PPIAL4H: variants seen among roughly 807,000 people sequenced by gnomAD.
The protein encoded by PPIAL4H is peptidyl-prolyl cis-trans isomerase A-like 4H.
A neutral mutation model predicts 7.5 loss-of-function variants in PPIAL4H; 6 were observed. The observed-to-expected ratio is 0.80, with a 90% CI of 0.44 to 1.58. The LOEUF (loss-of-function observed/expected upper bound fraction) is 1.58, where lower values mean the gene tolerates loss of function less well. Among genes scored for constraint, PPIAL4H ranks in the 40% most tolerant of loss-of-function variants. The pLI, the probability that PPIAL4H is intolerant of heterozygous loss-of-function variation, is 0.01. For missense variants in PPIAL4H, 115 were observed against 211.6 expected, an observed-to-expected ratio of 0.54 and a Z score of 2.83; for synonymous variants, 43 against 76.6, an observed-to-expected ratio of 0.56 and a Z score of 2.29.
At position 146,344,425 on chromosome 1, in the gene PPIAL4H, G is replaced by A; in HGVS notation, c.291C>T (p.Ile97=). The A allele has an allele frequency of 6.3e-7, 1 of 1,588,934 alleles. No individual in the cohort carries two copies. Among genetic ancestry groups the A allele is most frequent in the Non-Finnish European group, 8.6e-7 (1 of 1,163,112 alleles). The change falls in exon 1 of 1, where the codon ATC becomes ATT. Residue 97 remains isoleucine, a synonymous_variant. Transcript: ENST00000584068. Reference sequence around the variant, plus strand: ...TGGGTCCAGCATTTACCATGGACAAGATGCCAGAACCTGTATGCTTTCGGA... The same window carrying A: ...TGGGTCCAGCATTTACCATGGACAAAATGCCAGAACCTGTATGCTTTCGGA... ...NLIRKHTGSG[I]LSMVNAGPNT...
Position 146,344,355 on chromosome 1 carries a change from A to T in PPIAL4H, c.361T>A (p.Trp121Arg), listed in dbSNP as rs1280728181. ...QLFICTAKTEWLDGKHVAFGK... is the reference protein window; with the variant it reads ...QLFICTAKTERLDGKHVAFGK... Reference sequence around the variant, plus strand: ...AAGGCCACATGCTTGCCATCCAACCACTCAGTCTTGGCAGTGCAGATGAAT... The same window carrying T: ...AAGGCCACATGCTTGCCATCCAACCTCTCAGTCTTGGCAGTGCAGATGAAT... The change falls in exon 1 of 1, where the codon TGG becomes AGG. Residue 121 changes from tryptophan (W) to arginine (R), a missense_variant. By Grantham distance (101) the Trp-to-Arg change is moderately radical. Around this residue, in one of 3 missense-constraint regions of PPIAL4H, gnomAD observed 68 missense variants for 75.8 expected, o/e 0.90. Transcript: ENST00000584068. The T allele has an allele frequency of 3.2e-6, 5 of 1,585,920 alleles. No individual in the cohort carries two copies. The South Asian group carries it at 5.6e-5, about 18-fold the overall frequency.
chr1:146,344,100 G>A lies in PPIAL4H; in HGVS notation c.*121C>T, dbSNP rs1666616253. The A allele has an allele frequency of 1.2e-6, 1 of 860,674 alleles. No homozygotes were observed. The highest frequency in any genetic ancestry group is 1.9e-5 in the African/African-American group (1 of 53,952). 53.3% of individuals were successfully genotyped at this position (860,674 alleles called of 1,614,324 possible). A position where few individuals can be genotyped will look rare whatever the true frequency, so the allele number is the denominator to read the frequency against. Reference sequence around the variant, plus strand: ...GAACAAGGAAAACATGGAACCCAAAGGGAACTGCAGCAAGAGCACAAAGAT... The same window carrying A: ...GAACAAGGAAAACATGGAACCCAAAAGGAACTGCAGCAAGAGCACAAAGAT... On this transcript the variant is annotated 3_prime_UTR_variant, in exon 1 of 1. Coordinates refer to ENST00000584068, the MANE Select transcript of PPIAL4H (RefSeq NM_001368128.3).
Position 146,344,507 on chromosome 1 carries a change from G to A in PPIAL4H, c.209C>T (p.Pro70Leu), listed in dbSNP as rs1666621175. The A allele has an allele frequency of 1.3e-6, 2 of 1,587,530 alleles. No homozygotes were observed. Among genetic ancestry groups the A allele is most frequent in the African/African-American group, 1.4e-5 (1 of 72,964 alleles). ...GATGGACTTGTCATCGGTGCCATTA[G>A]GGCGTGTGAAGTCACCACCCTGACA... ...FMCQGGDFTRPNGTDDKSIYG... is the reference protein window; with the variant it reads ...FMCQGGDFTRLNGTDDKSIYG... Residue 70 changes from proline to leucine, a missense_variant, in exon 1 of 1, where the codon CCT (proline) becomes CTT (leucine). Physicochemically the swap from Pro to Leu is moderately conservative, Grantham distance 98. Coordinates refer to ENST00000584068, the MANE Select transcript of PPIAL4H (RefSeq NM_001368128.3).
Position 146,344,182 on chromosome 1 carries a change from A to G in PPIAL4H, c.*39T>C. 1 of 1,555,050 alleles carries G rather than the reference A, an allele frequency of 6.4e-7. No homozygotes were observed. The highest frequency in any genetic ancestry group is 2.3e-4 in the Middle Eastern group (1 of 4,314). On this transcript the variant is annotated 3_prime_UTR_variant, in exon 1 of 1. Coordinates refer to ENST00000584068, the MANE Select transcript of PPIAL4H (RefSeq NM_001368128.3). ...GGTGCTCTCCTGAGCTACAGAATGA[A>G]TGGGTCTGGTGGTGAAAATAAAACA...
In PPIAL4H at chr1:146,344,169, A is replaced by T; in HGVS notation, c.*52T>A. ...AATGTGGTGGAGGGGTGCTCTCCTGAGCTACAGAATGAATGGGTCTGGTGG... is the reference window on the plus strand; with the variant it reads ...AATGTGGTGGAGGGGTGCTCTCCTGTGCTACAGAATGAATGGGTCTGGTGG... On this transcript the variant is annotated 3_prime_UTR_variant, in exon 1 of 1. Transcript: ENST00000584068. 1.9e-6 allele frequency: 3 copies of T among 1,553,976 alleles called. No individual in the cohort carries two copies. The South Asian group carries it at 3.4e-5, about 17-fold the overall frequency.
chr1:146,344,442 G>C lies in PPIAL4H; in HGVS notation c.274C>G (p.His92Asp). The part of the protein sequence containing the change: ...KFDDENLIRK[H>D]TGSGILSMVN... ...ATGGACAAGATGCCAGAACCTGTAT[G>C]CTTTCGGATGAGGTTCTCATCATCA... Residue 92 changes from histidine (H) to aspartate (D), a missense_variant, in exon 1 of 1, where the codon CAT becomes GAT. Physicochemically the swap from His to Asp is moderately conservative, Grantham distance 81. Coordinates refer to ENST00000584068, the MANE Select transcript of PPIAL4H (RefSeq NM_001368128.3). 1 of 1,588,854 alleles carries C rather than the reference G, an allele frequency of 6.3e-7. No individual in the cohort carries two copies. The highest frequency in any genetic ancestry group is 2.3e-5 in the East Asian group (1 of 44,034).
chr1:146,344,181 A>T lies in PPIAL4H; in HGVS notation c.*40T>A. 6.4e-7 allele frequency: 1 copy of T among 1,555,064 alleles called. No homozygotes were observed. Among genetic ancestry groups the T allele is most frequent in the Admixed American group, 1.7e-5 (1 of 58,066 alleles). ...GGGTGCTCTCCTGAGCTACAGAATG[A>T]ATGGGTCTGGTGGTGAAAATAAAAC... On this transcript the variant is annotated 3_prime_UTR_variant, in exon 1 of 1. Transcript: ENST00000584068.
chr1:146,344,422 C>A lies in PPIAL4H; in HGVS notation c.294G>T (p.Leu98Phe). The change falls in exon 1 of 1, where the codon TTG becomes TTT. Residue 98 changes from leucine to phenylalanine, a missense_variant. By Grantham distance (22) the Leu-to-Phe change is conservative (BLOSUM62 0). Around this residue, in one of 3 missense-constraint regions of PPIAL4H, gnomAD observed 68 missense variants for 75.8 expected, o/e 0.90. Coordinates refer to ENST00000584068, the MANE Select transcript of PPIAL4H (RefSeq NM_001368128.3). Reference protein sequence around the residue: ...LIRKHTGSGILSMVNAGPNTN... With the variant: ...LIRKHTGSGIFSMVNAGPNTN... ...TGTTGGGTCCAGCATTTACCATGGA[C>A]AAGATGCCAGAACCTGTATGCTTTC... is the stretch of plus-strand genomic sequence containing the variant. 1.3e-6 allele frequency: 2 copies of A among 1,588,780 alleles called. No individual in the cohort carries two copies. Among genetic ancestry groups the A allele is most frequent in the East Asian group, 2.3e-5 (1 of 44,026 alleles).
rs1168640313 is a variant in PPIAL4H at position 146,344,487 on chromosome 1, A to G, written c.229T>C (p.Ser77Pro). ...FTRPNGTDDKSIYGEKFDDEN... is the reference protein window; with the variant it reads ...FTRPNGTDDKPIYGEKFDDEN... ...TCATCAAATTTCTCCCCATAGATGG[A>G]CTTGTCATCGGTGCCATTAGGGCGT... The change falls in exon 1 of 1, where the codon TCC (serine) becomes CCC (proline). Residue 77 changes from serine to proline, a missense_variant. Ser to Pro is a moderately conservative substitution (Grantham distance 74, BLOSUM62 -1). This residue lies in a region of PPIAL4H where 68 missense variants were observed against 75.8 expected (regional missense o/e 0.90). Transcript: ENST00000584068. The G allele has an allele frequency of 6.3e-7, 1 of 1,588,194 alleles. No individual in the cohort carries two copies. Among genetic ancestry groups the G allele is most frequent in the Non-Finnish European group, 8.6e-7 (1 of 1,163,122 alleles).
In PPIAL4H at chr1:146,344,440, AT is replaced by A; in HGVS notation, c.275del (p.His92LeufsTer10). ...CCATGGACAAGATGCCAGAACCTGT[AT>A]GCTTTCGGATGAGGTTCTCATCATC... ...KFDDENLIRKHTGSGILSMVN... is the reference protein window; with the variant it reads ...KFDDENLIRKXTGSGILSMVN... On this transcript the variant is annotated frameshift_variant, in exon 1 of 1. Transcript: ENST00000584068. LOFTEE classifies it high-confidence loss of function. The A allele has an allele frequency of 6.3e-7, 1 of 1,588,794 alleles. No individual in the cohort carries two copies. The highest frequency in any genetic ancestry group is 8.6e-7 in the Non-Finnish European group (1 of 1,163,150).
At position 146,344,344 on chromosome 1, in the gene PPIAL4H, G is replaced by T; in HGVS notation, c.372C>A (p.Gly124=). The T allele has an allele frequency of 2.5e-6, 4 of 1,585,234 alleles. No homozygotes were observed. The Admixed American group carries it at 5.1e-5, about 20-fold the overall frequency. ...ICTAKTEWLD[G]KHVAFGKVKE... is the part of the protein sequence containing the mutation. ...TCACCTTGCCAAAGGCCACATGCTTGCCATCCAACCACTCAGTCTTGGCAG... is the reference window on the plus strand; with the variant it reads ...TCACCTTGCCAAAGGCCACATGCTTTCCATCCAACCACTCAGTCTTGGCAG... The change falls in exon 1 of 1, where the codon GGC becomes GGA. Residue 124 remains glycine, a synonymous_variant. Coordinates refer to ENST00000584068, the MANE Select transcript of PPIAL4H (RefSeq NM_001368128.3).
Position 146,344,483 on chromosome 1 carries a change from A to T in PPIAL4H, c.233T>A (p.Ile78Asn). Residue 78 changes from isoleucine (I) to asparagine (N), a missense_variant, in exon 1 of 1, where the codon ATC (isoleucine) becomes AAC (asparagine). By Grantham distance (149) the Ile-to-Asn change is moderately radical. Around this residue, in one of 3 missense-constraint regions of PPIAL4H, gnomAD observed 68 missense variants for 75.8 expected, o/e 0.90. Coordinates refer to ENST00000584068, the MANE Select transcript of PPIAL4H (RefSeq NM_001368128.3). Reference protein sequence around the residue: ...TRPNGTDDKSIYGEKFDDENL... With the variant: ...TRPNGTDDKSNYGEKFDDENL... Reference sequence around the variant, plus strand: ...CTCATCATCAAATTTCTCCCCATAGATGGACTTGTCATCGGTGCCATTAGG... The same window carrying T: ...CTCATCATCAAATTTCTCCCCATAGTTGGACTTGTCATCGGTGCCATTAGG... 6.3e-7 allele frequency: 1 copy of T among 1,588,354 alleles called. No homozygotes were observed. The highest frequency in any genetic ancestry group is 1.8e-4 in the Middle Eastern group (1 of 5,414).
At position 146,344,748 on chromosome 1, in the gene PPIAL4H, C is replaced by G. The variant is rs1302458293; in HGVS notation, c.-33G>C. ...AGTACAGGGCTCACAGCGATGGTGG[C>G]GTCTGCAAAGATAACCACTGATCTT... On this transcript the variant is annotated 5_prime_UTR_variant, in exon 1 of 1. Coordinates refer to ENST00000584068, the MANE Select transcript of PPIAL4H (RefSeq NM_001368128.3). 7 of 1,074,716 alleles carry G rather than the reference C, an allele frequency of 6.5e-6. 2 individuals carry two copies. The highest frequency in any genetic ancestry group is 3.0e-4 in the Middle Eastern group (1 of 3,306). The allele number at this position is 1,074,716 out of a possible 1,614,324, so 66.6% of individuals were successfully genotyped here. A position where few individuals can be genotyped will look rare whatever the true frequency, so the allele number is the denominator to read the frequency against.
In PPIAL4H at chr1:146,344,405, C is replaced by G; in HGVS notation, c.311G>C (p.Gly104Ala). The G allele has an allele frequency of 6.3e-7, 1 of 1,588,612 alleles. No homozygotes were observed. The highest frequency in any genetic ancestry group is 8.6e-7 in the Non-Finnish European group (1 of 1,162,952). The change falls in exon 1 of 1, where the codon GGA becomes GCA. Residue 104 changes from glycine (G) to alanine (A), a missense_variant. By Grantham distance (60) the Gly-to-Ala change is moderately conservative (BLOSUM62 0). Coordinates refer to ENST00000584068, the MANE Select transcript of PPIAL4H (RefSeq NM_001368128.3). ...GSGILSMVNA[G>A]PNTNGSQLFI... ...TAACTGGGAGCCATTTGTGTTGGGT[C>G]CAGCATTTACCATGGACAAGATGCC...
Position 146,344,395 on chromosome 1 carries a change from T to C in PPIAL4H, c.321A>G (p.Thr107=), listed in dbSNP as rs1404019682. The part of the protein sequence containing the change: ...ILSMVNAGPN[T]NGSQLFICTA... The stretch of plus-strand genomic sequence containing the variant: ...TGCAGATGAATAACTGGGAGCCATT[T>C]GTGTTGGGTCCAGCATTTACCATGG... Residue 107 remains threonine, a synonymous_variant, in exon 1 of 1, where the codon ACA becomes ACG. Transcript: ENST00000584068. The C allele has an allele frequency of 6.3e-7, 1 of 1,588,490 alleles. No individual in the cohort carries two copies. Among genetic ancestry groups the C allele is most frequent in the African/African-American group, 1.4e-5 (1 of 73,286 alleles).
Position 146,344,322 on chromosome 1 carries a change from C to T in PPIAL4H, c.394G>A (p.Val132Met). The T allele has an allele frequency of 6.3e-7, 1 of 1,582,224 alleles. No homozygotes were observed. Among genetic ancestry groups the T allele is most frequent in the Non-Finnish European group, 8.6e-7 (1 of 1,161,384 alleles). Reference protein sequence around the residue: ...LDGKHVAFGKVKERVNIVEAM... With the variant: ...LDGKHVAFGKMKERVNIVEAM... The stretch of plus-strand genomic sequence containing the variant: ...TCCACAATATTCACACGTTCTTTCA[C>T]CTTGCCAAAGGCCACATGCTTGCCA... The change falls in exon 1 of 1, where the codon GTG becomes ATG. Residue 132 changes from valine to methionine, a missense_variant. Val to Met is a conservative substitution (Grantham distance 21). Transcript: ENST00000584068.
At position 146,344,217 on chromosome 1, in the gene PPIAL4H, C is replaced by T. The variant is rs1666617443; in HGVS notation, c.*4G>A. ...TGGTGAAAATAAAACACAAGTCAAA[C>T]TCATTAGAATTGTCCACAGTCAGCA... On this transcript the variant is annotated 3_prime_UTR_variant, in exon 1 of 1. Coordinates refer to ENST00000584068, the MANE Select transcript of PPIAL4H (RefSeq NM_001368128.3). 6.4e-7 allele frequency: 1 copy of T among 1,559,880 alleles called. No individual in the cohort carries two copies. Among genetic ancestry groups the T allele is most frequent in the African/African-American group, 1.4e-5 (1 of 70,118 alleles).
chr1:146,344,354 C>T lies in PPIAL4H; in HGVS notation c.362G>A (p.Trp121Ter). ...QLFICTAKTE[W>*]LDGKHVAFGK... The stretch of plus-strand genomic sequence containing the variant: ...AAAGGCCACATGCTTGCCATCCAAC[C>T]ACTCAGTCTTGGCAGTGCAGATGAA... The change falls in exon 1 of 1, where the codon TGG becomes TAG. Residue 121 changes from tryptophan to a stop codon, truncating the protein, a stop_gained. Transcript: ENST00000584068. LOFTEE classifies it high-confidence loss of function. The T allele has an allele frequency of 6.3e-7, 1 of 1,586,612 alleles. No individual in the cohort carries two copies. Among genetic ancestry groups the T allele is most frequent in the Non-Finnish European group, 8.6e-7 (1 of 1,162,396 alleles).
Position 146,344,510 on chromosome 1 carries a change from C to A in PPIAL4H, c.206G>T (p.Arg69Leu). 2 of 1,587,458 alleles carry A rather than the reference C, an allele frequency of 1.3e-6. No individual in the cohort carries two copies. The highest frequency in any genetic ancestry group is 1.7e-6 in the Non-Finnish European group (2 of 1,162,930). The part of the protein sequence containing the change: ...GFMCQGGDFT[R>L]PNGTDDKSIY... ...GGACTTGTCATCGGTGCCATTAGGG[C>A]GTGTGAAGTCACCACCCTGACACAT... Residue 69 changes from arginine to leucine, a missense_variant, in exon 1 of 1, where the codon CGC (arginine) becomes CTC (leucine). Physicochemically the swap from Arg to Leu is moderately radical, Grantham distance 102 (BLOSUM62 -2). This residue lies in a region of PPIAL4H where 36 missense variants were observed against 100.4 expected (regional missense o/e 0.36). Coordinates refer to ENST00000584068, the MANE Select transcript of PPIAL4H (RefSeq NM_001368128.3).
Sources: allele counts gnomAD v4.1 joint callset, GRCh38; gene constraint gnomAD v4.1.1; regional missense constraint gnomAD v4.1.1; transcripts MANE v1.5; gene names NCBI Gene and HGNC (gene_info 2026-07-23, HGNC 2026-07-21).